The following GPHN variants were observed in gnomAD, a reference collection of about 807,000 sequenced individuals.
The protein encoded by GPHN is gephyrin.
GPHN carries 17 observed loss-of-function variants against 95.5 expected under a neutral mutation model. The observed-to-expected ratio is 0.18, with a 90% confidence interval of 0.12 to 0.27. The LOEUF (loss-of-function observed/expected upper bound fraction) is 0.27. Among genes scored for constraint, GPHN ranks in the 10% least tolerant of loss-of-function variants. The pLI, the probability that GPHN is intolerant of heterozygous loss-of-function variation, is 1.00. For synonymous variants in GPHN, 320 were observed against 322.5 expected (o/e 0.99, Z 0.08); for missense variants, 660 against 978.1 (o/e 0.67, Z 4.34).
intron 1 of GPHN, among the ~76,000 whole-genome samples, chr14:66,547,205 G>A (rs533222081): frequency 6.6e-6 from 1 of 152,124 alleles, no homozygotes; most frequent in South Asian, 2.1e-4. Flanking sequence ...TGAAAAATTG[G>A]TTAGACTTCA....
At chr14:66,550,960 C>G (rs2140172941) in intron 1 of GPHN, 1 of 152,856 alleles carries the variant, frequency 6.5e-6, no homozygotes, top group Non-Finnish European at 1.5e-5. Flanking sequence ...GGGTTCACGC[C>G]ATTCTCTTGC....
chr14:66,961,749 A>C (rs1274115139), intron 8 of GPHN, among the ~76,000 whole-genome samples: 1 of 151,042 alleles, frequency 6.6e-6, no homozygotes, highest in Non-Finnish European at 1.5e-5. Context: ...TTAAATGAAT[A>C]ATACCAACAA....
At chr14:67,103,625 T>G (rs1044359720) in intron 13 of GPHN, among the ~76,000 whole-genome samples, 1 of 151,528 alleles carries the variant, frequency 6.6e-6, no homozygotes, top group African/African-American at 2.4e-5. Context: ...TCCTAAATTT[T>G]TTTTGTAGTT....
At chr14:67,732,404 T>C in the GPHN span, among the ~76,000 whole-genome samples, 1 of 146,050 alleles carries the variant, frequency 6.8e-6, no homozygotes, top group East Asian at 2.1e-4. Context: ...CACTCCAGCC[T>C]GGGTGATGAA....
intron 1 of GPHN, among the ~76,000 whole-genome samples, chr14:66,650,650 C>G (rs1011595589): frequency 6.6e-6 from 1 of 152,152 alleles, no homozygotes; most frequent in African/African-American, 2.4e-5. Flanking sequence ...AACAAGGGAA[C>G]AATGCTTGTT....
intron 4 of GPHN, among the ~76,000 whole-genome samples, chr14:66,845,912 C>T (rs2062317042): frequency 1.3e-5 from 2 of 151,824 alleles, no homozygotes; most frequent in South Asian, 4.2e-4. Context: ...TTTTAATCCA[C>T]TGATGAAACA....
At chr14:67,224,011 A>C in the GPHN span, 152 of 980,710 alleles carry the variant, frequency 1.5e-4, no homozygotes, top group Admixed American at 1.8e-4. Flanking sequence ...GTAGTAAAAC[A>C]AATTCCTGGC....
At chr14:67,196,223 C>CTTTTTTTTTTTTTTTTTTTTTTTTTTTTT in the GPHN span, among the ~76,000 whole-genome samples, 1 of 143,118 alleles carries the variant, frequency 7.0e-6, no homozygotes, top group Non-Finnish European at 1.5e-5. Flanking sequence ...TTCTTTCTTT[C>CTTTTTTTTTTTTTTTTTTTTTTTTTTTTT]TTTTTTTTTT....
At chr14:67,042,005 A>G in intron 10 of GPHN, among the ~76,000 whole-genome samples, 1 of 151,620 alleles carries the variant, frequency 6.6e-6, no homozygotes, top group Non-Finnish European at 1.5e-5. Context: ...TGTTGGCTGC[A>G]TAAATGTCTT....
At chr14:66,881,246 G>A (rs905557910) in intron 5 of GPHN, among the ~76,000 whole-genome samples, 1 of 151,806 alleles carries the variant, frequency 6.6e-6, no homozygotes, top group Non-Finnish European at 1.5e-5. Flanking sequence ...AAAGTACCAC[G>A]ATAGAGACTA....
chr14:67,340,422 C>A, the GPHN span: 89 of 1,606,082 alleles, frequency 5.5e-5, no homozygotes, highest in Admixed American at 1.0e-4. Context: ...TGATCAATAA[C>A]TGCCAATTTC....
chr14:67,690,341 C>T, the GPHN span: 5 of 1,614,084 alleles, frequency 3.1e-6, no homozygotes, highest in Middle Eastern at 1.7e-4. Context: ...AGGTGATGTG[C>T]GAGGGAAGAC....
At chr14:67,038,764 A>G (rs772428437) in intron 10 of GPHN, among the ~76,000 whole-genome samples, 1 of 152,054 alleles carries the variant, frequency 6.6e-6, no homozygotes, top group African/African-American at 2.4e-5. Flanking sequence ...CAGATTTAGG[A>G]TCCTTTCCTC....
the GPHN span, chr14:67,208,505 A>G: frequency 2.6e-6 from 4 of 1,557,634 alleles, no homozygotes; most frequent in Admixed American, 7.6e-5. Context: ...ATTAATAAAG[A>G]AATATGTGCT....
intron 1 of GPHN, among the ~76,000 whole-genome samples, chr14:66,581,984 A>C (rs1367301868): frequency 6.6e-6 from 1 of 151,996 alleles, no homozygotes; most frequent in Admixed American, 6.6e-5. Flanking sequence ...CAGATCATCC[A>C]GACAAAAAAT....
chr14:67,185,831 A>G (rs1251542181), downstream of GPHN, among the ~76,000 whole-genome samples: 1 of 152,222 alleles, frequency 6.6e-6, no homozygotes, highest in Non-Finnish European at 1.5e-5. Context: ...AACCCTAACA[A>G]TGTAAGTAAT....
chr14:66,919,941 C>A (rs1443612502), intron 6 of GPHN, among the ~76,000 whole-genome samples: 1 of 152,116 alleles, frequency 6.6e-6, no homozygotes, highest in Non-Finnish European at 1.5e-5. Context: ...GTGGCAGGCA[C>A]CTGTAATCCC....
the GPHN span, among the ~76,000 whole-genome samples, chr14:67,446,598 G>T: frequency 2.6e-5 from 4 of 152,162 alleles, no homozygotes; most frequent in South Asian, 8.3e-4. Flanking sequence ...TTCCCAGGAG[G>T]GGCAGCACAG....
chr14:67,036,119 G>GA (rs948227042), intron 10 of GPHN, among the ~76,000 whole-genome samples: 33 of 151,758 alleles, frequency 2.2e-4, no homozygotes, highest in African/African-American at 7.7e-4. Flanking sequence ...AACATGGAAT[G>GA]AAAATCACAT....
Sources: gnomAD v4.1 joint callset for allele counts (sites outside exome capture counted in the v4.1 genomes callset) on GRCh38, gnomAD v4.1.1 for gene constraint, MANE v1.5 for transcripts, NCBI Gene and HGNC (gene_info 2026-07-23, HGNC 2026-07-21) for gene names.